The following EDIL3 variants were observed in gnomAD, a reference collection of about 807,000 sequenced individuals.
EDIL3 encodes EGF like and discoidin domains 3, also known as EGF-like repeat and discoidin I-like domain-containing protein 3.
EDIL3 carries 37 observed loss-of-function variants against 67.4 expected under a neutral mutation model. That is an observed-to-expected ratio of 0.55 (90% confidence interval 0.42 to 0.72). The LOEUF is 0.72. Ranked by LOEUF, EDIL3 falls within the 30% of genes least tolerant of loss-of-function variation. The pLI is 0.00. For synonymous variants in EDIL3, 195 were observed against 196.3 expected (o/e 0.99, Z 0.05); for missense variants, 527 against 586.3 (o/e 0.90, Z 1.04).
chr5:84,080,298 C>CAAAAAA (rs369961167), intron 6 of EDIL3, among the ~76,000 whole-genome samples: 12 of 54,274 alleles, frequency 2.2e-4, no homozygotes, highest in African/African-American at 8.3e-4. Context: ...GACTCTGTCT[C>CAAAAAA]AAAAAAAAAA....
At chr5:84,067,551 T>C (rs1746666630) in intron 6 of EDIL3, among the ~76,000 whole-genome samples, 1 of 152,234 alleles carries the variant, frequency 6.6e-6, no homozygotes. Flanking sequence ...AAAATTTAAA[T>C]ATGTCATACC....
At chr5:84,263,162 C>G (rs368780528) in intron 1 of EDIL3, among the ~76,000 whole-genome samples, 1 of 152,022 alleles carries the variant, frequency 6.6e-6, no homozygotes, top group Non-Finnish European at 1.5e-5. Flanking sequence ...AAATAGTTAC[C>G]ACTGCTTGTT....
chr5:84,072,861 G>C (rs1049780993), intron 6 of EDIL3, among the ~76,000 whole-genome samples: 1 of 151,800 alleles, frequency 6.6e-6, no homozygotes, highest in African/African-American at 2.4e-5. Context: ...ATGGTGGAGG[G>C]AGAGAGAGAG....
At chr5:84,120,361 A>G (rs372143614) in intron 5 of EDIL3, among the ~76,000 whole-genome samples, 93 of 152,154 alleles carry the variant, frequency 6.1e-4, no homozygotes, top group South Asian at 1.4e-3. Context: ...CCAGTCATCA[A>G]CCTCAGCATT....
At chr5:84,319,418 C>T (rs1481528226) in intron 1 of EDIL3, among the ~76,000 whole-genome samples, 3 of 92,868 alleles carry the variant, frequency 3.2e-5, no homozygotes, top group South Asian at 4.7e-4. Context: ...GAGCGGAGAT[C>T]GCGCCACAGC....
chr5:84,071,371 G>GA (rs35850885), intron 6 of EDIL3, among the ~76,000 whole-genome samples: 7 of 151,964 alleles, frequency 4.6e-5, no homozygotes, highest in African/African-American at 1.2e-4. Context: ...TGATCAAAAG[G>GA]AAAAAACAGA....
intron 6 of EDIL3, among the ~76,000 whole-genome samples, chr5:84,070,760 C>A (rs1746727131): frequency 6.6e-6 from 1 of 151,830 alleles, no homozygotes; most frequent in South Asian, 2.1e-4. Context: ...CTTAAGATGC[C>A]CTGGAACAGA....
At chr5:84,071,873 T>G (rs912498850) in intron 6 of EDIL3, among the ~76,000 whole-genome samples, 6 of 152,002 alleles carry the variant, frequency 3.9e-5, no homozygotes, top group Non-Finnish European at 8.8e-5. Flanking sequence ...TGGAGACAGA[T>G]GAATAGAACA....
intron 5 of EDIL3, among the ~76,000 whole-genome samples, chr5:84,118,760 A>T (rs1168679681): frequency 6.6e-6 from 1 of 152,162 alleles, no homozygotes; most frequent in East Asian, 1.9e-4. Context: ...CTCCAGATTA[A>T]TCCAGTGGTG....
intron 6 of EDIL3, among the ~76,000 whole-genome samples, chr5:84,075,663 T>C (rs1286811534): frequency 1.3e-5 from 2 of 152,024 alleles, no homozygotes; most frequent in East Asian, 3.9e-4. Context: ...TTAGTAGAGA[T>C]GGAGTTTCTC....
chr5:84,369,175 C>T (rs1313216753), intron 1 of EDIL3, among the ~76,000 whole-genome samples: 11 of 151,196 alleles, frequency 7.3e-5, no homozygotes, highest in Admixed American at 7.3e-4. Context: ...ATGTTCATAG[C>T]AGCATTATTC....
intron 9 of EDIL3, among the ~76,000 whole-genome samples, chr5:83,965,938 C>T (rs1423083322): frequency 3.9e-5 from 6 of 152,062 alleles, no homozygotes; most frequent in Admixed American, 2.6e-4. Context: ...ATCAGCAACT[C>T]ACACTGAACA....
chr5:84,304,184 T>G (rs920475340), intron 1 of EDIL3, among the ~76,000 whole-genome samples: 1 of 152,194 alleles, frequency 6.6e-6, no homozygotes, highest in Non-Finnish European at 1.5e-5. Context: ...ATATCCTGTC[T>G]TCACCATTGA....
intron 10 of EDIL3, among the ~76,000 whole-genome samples, chr5:83,953,361 G>C (rs1454260825): frequency 6.6e-6 from 1 of 151,474 alleles, no homozygotes; most frequent in Non-Finnish European, 1.5e-5. Flanking sequence ...CTAAATTTTG[G>C]GTCTTTTTTC....
intron 2 of EDIL3, among the ~76,000 whole-genome samples, chr5:84,249,476 T>G (rs1431197926): frequency 1.3e-5 from 2 of 149,778 alleles, no homozygotes; most frequent in Non-Finnish European, 3.0e-5. Context: ...TCTGTCTGTA[T>G]GTATGTCTGT....
chr5:84,034,488 T>A (rs549615661), intron 9 of EDIL3, among the ~76,000 whole-genome samples: 159 of 152,298 alleles, frequency 1.0e-3, no homozygotes, highest in Non-Finnish European at 2.0e-3. Context: ...AAATAATCAC[T>A]ATATCACAGT....
chr5:84,330,554 A>G (rs1478378605), intron 1 of EDIL3, among the ~76,000 whole-genome samples: 1 of 152,232 alleles, frequency 6.6e-6, no homozygotes, highest in East Asian at 1.9e-4. Flanking sequence ...GAGTCAATAA[A>G]AACATTACCT....
At chr5:84,171,398 T>C (rs936463350) in intron 4 of EDIL3, among the ~76,000 whole-genome samples, 10 of 152,200 alleles carry the variant, frequency 6.6e-5, no homozygotes, top group African/African-American at 2.4e-4. Context: ...TGGTCTTTGT[T>C]GGTTTCCAGC....
At chr5:83,948,421 A>T (rs1340858690) in intron 10 of EDIL3, among the ~76,000 whole-genome samples, 2 of 151,690 alleles carry the variant, frequency 1.3e-5, no homozygotes, top group African/African-American at 4.8e-5. Context: ...TCTTATGAAA[A>T]TTTTCACGGA....
Sources: gnomAD v4.1 joint callset for allele counts (sites outside exome capture counted in the v4.1 genomes callset) on GRCh38, gnomAD v4.1.1 for gene constraint, MANE v1.5 for transcripts, NCBI Gene and HGNC (gene_info 2026-07-23, HGNC 2026-07-21) for gene names.